The following LGSN variants were observed in gnomAD, a reference collection of about 807,000 sequenced individuals.
LGSN encodes the protein lengsin.
In LGSN, 21 loss-of-function variants were observed where a neutral mutation model predicts 19.5. The observed-to-expected ratio is 1.07, with a 90% CI of 0.76 to 1.55. LGSN has a LOEUF of 1.55. LGSN is among the 40% of genes most tolerant of loss of function. The probability of loss-of-function intolerance (pLI) is 0.00; values close to 1 mark genes in which losing one functional copy is unlikely to be tolerated. For synonymous variants in LGSN, 257 were observed against 215.6 expected (o/e 1.19, Z -1.68); for missense variants, 673 against 608.5 (o/e 1.11, Z -1.12).
chr6:63,342,159 T>C, the LGSN span, among the ~76,000 whole-genome samples: 1 of 152,238 alleles, frequency 6.6e-6, no homozygotes, highest in Non-Finnish European at 1.5e-5. Context: ...TTCTGTGTCA[T>C]GCTTTTGGTT....
the LGSN span, chr6:63,521,625 A>G: frequency 6.6e-6 from 1 of 152,242 alleles, no homozygotes; most frequent in Non-Finnish European, 1.5e-5. Flanking sequence ...CATATATTTT[A>G]GAAACTGTCC....
chr6:63,338,804 A>G, the LGSN span, among the ~76,000 whole-genome samples: 2 of 152,024 alleles, frequency 1.3e-5, no homozygotes, highest in Non-Finnish European at 2.9e-5. Flanking sequence ...GTCAGCATTT[A>G]TTGCTACAAA....
chr6:63,308,146 G>A (rs546108200), intron 1 of LGSN, among the ~76,000 whole-genome samples: 3 of 152,312 alleles, frequency 2.0e-5, no homozygotes, highest in African/African-American at 7.2e-5. Flanking sequence ...TTTAATTCAT[G>A]CTTAATTTGG....
At chr6:63,328,019 T>C in the LGSN span, among the ~76,000 whole-genome samples, 1 of 152,228 alleles carries the variant, frequency 6.6e-6, no homozygotes, top group Non-Finnish European at 1.5e-5. Context: ...TATCGCAGCA[T>C]GGGCATGTAG....
intron 1 of LGSN, among the ~76,000 whole-genome samples, chr6:63,306,813 G>A (rs535610156): frequency 4.6e-5 from 7 of 152,312 alleles, no homozygotes; most frequent in South Asian, 2.1e-4. Flanking sequence ...ATATTAAAAC[G>A]TGGCCCTCGT....
the LGSN span, chr6:63,395,124 G>A: frequency 6.5e-6 from 1 of 153,134 alleles, no homozygotes; most frequent in Admixed American, 6.5e-5. Context: ...GTGACCTTGG[G>A]GAAAGGTAGA....
the LGSN span, among the ~76,000 whole-genome samples, chr6:63,573,001 G>A: frequency 6.6e-6 from 1 of 152,146 alleles, no homozygotes; most frequent in Non-Finnish European, 1.5e-5. Flanking sequence ...GACGGGGGCG[G>A]CGCGGTCCGG....
At chr6:63,336,944 G>A in the LGSN span, among the ~76,000 whole-genome samples, 4 of 129,028 alleles carry the variant, frequency 3.1e-5, no homozygotes. Flanking sequence ...TTTTTTTTGA[G>A]ATGGAGTCTC....
the LGSN span, among the ~76,000 whole-genome samples, chr6:63,449,221 A>G: frequency 2.6e-5 from 4 of 152,284 alleles, no homozygotes; most frequent in Admixed American, 2.6e-4. Context: ...ACAGCAGAGA[A>G]AGAGAGAGCC....
At chr6:63,381,100 A>T in the LGSN span, among the ~76,000 whole-genome samples, 1 of 152,108 alleles carries the variant, frequency 6.6e-6, no homozygotes. Context: ...TACTCAGGAG[A>T]CTGAGGTGGG....
At chr6:63,434,735 G>T in the LGSN span, among the ~76,000 whole-genome samples, 6 of 151,870 alleles carry the variant, frequency 4.0e-5, no homozygotes, top group African/African-American at 1.2e-4. Context: ...CCCCTCTCAT[G>T]ATCAGATCTC....
In LGSN at chr6:63,285,547, G is replaced by C. The variant is rs764433838; in HGVS notation, c.330+40C>G. On this transcript the variant is annotated intron_variant, in intron 3 of 3. Coordinates refer to ENST00000370657, the MANE Select transcript of LGSN (RefSeq NM_016571.3). ...AATAAGAACTGTTTGCTTGCTAATG[G>C]TCATGAAATTACATTTAGTCACAAC... is the stretch of plus-strand genomic sequence containing the variant. The C allele has an allele frequency of 2.0e-6, 3 of 1,504,342 alleles. No homozygotes were observed. The African/African-American group carries it at 4.2e-5, about 21-fold the overall frequency. The allele number at this position is 1,504,342 out of a possible 1,614,324, so 93.2% of individuals were successfully genotyped here.
the LGSN span, among the ~76,000 whole-genome samples, chr6:63,459,060 C>T: frequency 6.6e-6 from 1 of 152,116 alleles, no homozygotes; most frequent in Non-Finnish European, 1.5e-5. Context: ...AGAGTGTTTT[C>T]CTTTACATAA....
At chr6:63,450,677 T>C in the LGSN span, among the ~76,000 whole-genome samples, 29 of 151,490 alleles carry the variant, frequency 1.9e-4, no homozygotes, top group Non-Finnish European at 1.5e-5. Context: ...AAGATTATAA[T>C]GGTTTTTTTT....
chr6:63,483,490 C>T, the LGSN span, among the ~76,000 whole-genome samples: 1 of 152,044 alleles, frequency 6.6e-6, no homozygotes, highest in South Asian at 2.1e-4. Context: ...CTCAGCCTCC[C>T]GAGTAGCTGG....
At chr6:63,324,367 A>ATG (rs1486891672), upstream of LGSN, among the ~76,000 whole-genome samples, 31 of 152,282 alleles carry the variant, frequency 2.0e-4, no homozygotes, top group African/African-American at 7.2e-4. Context: ...TTTGTGCAAA[A>ATG]TGTGGTTTAG....
chr6:63,345,754 T>C, the LGSN span, among the ~76,000 whole-genome samples: 1 of 152,190 alleles, frequency 6.6e-6, no homozygotes, highest in Non-Finnish European at 1.5e-5. Context: ...TTAGGAAGTA[T>C]TGTCTACTGT....
chr6:63,412,763 GAAAGAAA>G, the LGSN span, among the ~76,000 whole-genome samples: 1 of 22,812 alleles, frequency 4.4e-5, no homozygotes, highest in South Asian at 1.4e-3. Context: ...AAGAAAGAAA[GAAAGAAA>G]GGAAGGAAGG....
chr6:63,406,713 C>A, the LGSN span, among the ~76,000 whole-genome samples: 2 of 151,798 alleles, frequency 1.3e-5, no homozygotes, highest in Non-Finnish European at 2.9e-5. Context: ...CACAAAAAAC[C>A]CTTCAAAAAA....
Sources: allele counts gnomAD v4.1 joint callset (sites outside exome capture counted in the v4.1 genomes callset), GRCh38; gene constraint gnomAD v4.1.1; transcripts MANE v1.5; gene names NCBI Gene and HGNC (gene_info 2026-07-23, HGNC 2026-07-21).